CHCHD6: variants seen among roughly 807,000 people sequenced by gnomAD.
The protein encoded by CHCHD6 is coiled-coil-helix-coiled-coil-helix domain containing 6.
In CHCHD6, 28 loss-of-function variants were observed where a neutral mutation model predicts 32.3. That is an observed-to-expected ratio of 0.87 (90% CI 0.64 to 1.19). The LOEUF is 1.19. Ranked by LOEUF, CHCHD6 falls within the 50% of genes most tolerant of loss-of-function variation. The pLI, the probability that CHCHD6 is intolerant of heterozygous loss-of-function variation, is 0.00. For missense variants in CHCHD6, 333 were observed against 307.0 expected (o/e 1.08, Z -0.63); for synonymous variants, 122 against 117.5 (o/e 1.04, Z -0.25).
chr3:126,720,981 A>G (rs1935259764), intron 1 of CHCHD6, among the ~76,000 whole-genome samples: 1 of 152,222 alleles, frequency 6.6e-6, no homozygotes, highest in Admixed American at 6.5e-5. Flanking sequence ...ATTTACCTAC[A>G]ATCAAACGGA....
At chr3:126,919,305 CTTTTCTT>C (rs3036044) in intron 6 of CHCHD6, among the ~76,000 whole-genome samples, 64,745 of 132,044 alleles carry the variant, frequency 0.49, 14,095 homozygotes, top group East Asian at 0.58. Flanking sequence ...TCTACTATTT[CTTTTCTT>C]TTTTCTTTTT....
At chr3:126,718,354 C>T (rs1173960333) in intron 1 of CHCHD6, among the ~76,000 whole-genome samples, 1 of 152,200 alleles carries the variant, frequency 6.6e-6, no homozygotes, top group Non-Finnish European at 1.5e-5. Flanking sequence ...TTACATTGTA[C>T]CAACTGCTTT....
chr3:126,706,045 G>A (rs1214429177), intron 1 of CHCHD6, among the ~76,000 whole-genome samples: 2 of 152,202 alleles, frequency 1.3e-5, no homozygotes, highest in South Asian at 2.1e-4. Context: ...TGTGTTGGAA[G>A]GCCGAGAGGG....
intron 4 of CHCHD6, among the ~76,000 whole-genome samples, chr3:126,752,098 G>A (rs1936750562): frequency 6.6e-6 from 1 of 152,200 alleles, no homozygotes; most frequent in African/African-American, 2.4e-5. Flanking sequence ...TTTTGAAATT[G>A]GCATTCCTGT....
intron 1 of CHCHD6, among the ~76,000 whole-genome samples, chr3:126,712,114 C>T (rs1310927801): frequency 1.3e-5 from 2 of 152,212 alleles, no homozygotes; most frequent in Non-Finnish European, 2.9e-5. Context: ...AAGGCCCAGA[C>T]ACCTGCATGT....
intron 5 of CHCHD6, among the ~76,000 whole-genome samples, chr3:126,860,076 C>A (rs1941804472): frequency 6.6e-6 from 1 of 152,028 alleles, no homozygotes; most frequent in Non-Finnish European, 1.5e-5. Flanking sequence ...ATGTGGCCAG[C>A]AGTACTTCTG....
intron 4 of CHCHD6, among the ~76,000 whole-genome samples, chr3:126,764,828 A>G (rs753617656): frequency 6.6e-5 from 10 of 152,170 alleles, no homozygotes; most frequent in Admixed American, 5.9e-4. Flanking sequence ...TGATTTGGAC[A>G]AATTAGGTTA....
chr3:126,955,586 T>G (rs907077791), intron 6 of CHCHD6, among the ~76,000 whole-genome samples: 1 of 152,170 alleles, frequency 6.6e-6, no homozygotes, highest in Non-Finnish European at 1.5e-5. Context: ...GGCGCTGGTG[T>G]GGCATGGCAG....
intron 6 of CHCHD6, among the ~76,000 whole-genome samples, chr3:126,929,346 A>G (rs1353001614): frequency 2.6e-5 from 4 of 152,136 alleles, no homozygotes; most frequent in African/African-American, 9.7e-5. Context: ...GGGTTGCAGC[A>G]CTGAACTCAC....
intron 4 of CHCHD6, among the ~76,000 whole-genome samples, chr3:126,811,766 T>G (rs1428513153): frequency 6.6e-6 from 1 of 152,182 alleles, no homozygotes; most frequent in Non-Finnish European, 1.5e-5. Context: ...TTTAGCTCCT[T>G]CCTCAAAGGG....
intron 4 of CHCHD6, among the ~76,000 whole-genome samples, chr3:126,822,651 C>G (rs1940199373): frequency 6.6e-6 from 1 of 152,178 alleles, no homozygotes; most frequent in African/African-American, 2.4e-5. Context: ...ATCTGTAGAT[C>G]AGTTAAATCT....
chr3:126,725,010 G>A (rs1224511477), intron 1 of CHCHD6, among the ~76,000 whole-genome samples: 1 of 152,180 alleles, frequency 6.6e-6, no homozygotes. Context: ...ATCCATGAGG[G>A]TTGGAATCTA....
intron 4 of CHCHD6, among the ~76,000 whole-genome samples, chr3:126,772,686 G>A (rs1333075754): frequency 6.6e-6 from 1 of 152,138 alleles, no homozygotes; most frequent in Non-Finnish European, 1.5e-5. Context: ...TCTTTATCCA[G>A]CTTGCCACTC....
intron 5 of CHCHD6, among the ~76,000 whole-genome samples, chr3:126,870,378 A>G (rs757295121): frequency 2.0e-5 from 3 of 152,208 alleles, no homozygotes; most frequent in Non-Finnish European, 4.4e-5. Context: ...ATCCACCTGC[A>G]GCCCCCTGTA....
intron 6 of CHCHD6, among the ~76,000 whole-genome samples, chr3:126,953,361 T>TA (rs2078742580): frequency 6.6e-6 from 1 of 152,202 alleles, no homozygotes. Flanking sequence ...TCTCGAATGA[T>TA]ATCAGAGCTT....
chr3:126,880,888 G>T (rs1025303539), intron 5 of CHCHD6, among the ~76,000 whole-genome samples: 8 of 152,244 alleles, frequency 5.3e-5, no homozygotes, highest in Non-Finnish European at 1.2e-4. Flanking sequence ...TTCTGACATT[G>T]TGAGTCAGGC....
At chr3:126,926,379 C>T (rs191006426) in intron 6 of CHCHD6, among the ~76,000 whole-genome samples, 3 of 152,160 alleles carry the variant, frequency 2.0e-5, no homozygotes, top group African/African-American at 7.2e-5. Context: ...GGAAGAAATA[C>T]CCCATGACAG....
At chr3:126,848,978 C>T (rs368830363) in intron 4 of CHCHD6, among the ~76,000 whole-genome samples, 1 of 152,194 alleles carries the variant, frequency 6.6e-6, no homozygotes, top group Non-Finnish European at 1.5e-5. Context: ...CAGTGCAGGA[C>T]GAGGTCTGAT....
chr3:126,725,054 G>T (rs1031649245), intron 1 of CHCHD6, among the ~76,000 whole-genome samples: 23 of 152,092 alleles, frequency 1.5e-4, no homozygotes, highest in African/African-American at 5.6e-4. Flanking sequence ...TTGATTTTTT[G>T]ACCTCTTCCC....
Sources: gnomAD v4.1 joint callset for allele counts (sites outside exome capture counted in the v4.1 genomes callset) on GRCh38, gnomAD v4.1.1 for gene constraint, MANE v1.5 for transcripts, NCBI Gene and HGNC (gene_info 2026-07-23, HGNC 2026-07-21) for gene names.